PCDH15: variants seen among roughly 807,000 people sequenced by gnomAD.
PCDH15 encodes the protein protocadherin related 15, also known as protocadherin-15.
Under a neutral mutation model 178.5 loss-of-function variants are expected in PCDH15, and 129 were observed. The observed-to-expected ratio is 0.72, with a 90% CI of 0.63 to 0.84. PCDH15 has a LOEUF of 0.84. Among genes scored for constraint, PCDH15 ranks in the 40% least tolerant of loss-of-function variants. The pLI is 0.00. For missense variants in PCDH15, 2,230 were observed against 2,099.9 expected (o/e 1.06, Z -1.21); for synonymous variants, 800 against 732.0 (o/e 1.09, Z -1.50).
chr10:54,290,631 G>A (rs1485685176), intron 8 of PCDH15, among the ~76,000 whole-genome samples: 1 of 152,156 alleles, frequency 6.6e-6, no homozygotes, highest in Non-Finnish European at 1.5e-5. Context: ...ATCAATCAGT[G>A]TGCTGTATTC....
At chr10:55,024,988 G>C (rs1261151381) in intron 2 of PCDH15, among the ~76,000 whole-genome samples, 4 of 152,060 alleles carry the variant, frequency 2.6e-5, no homozygotes, top group Admixed American at 2.6e-4. Flanking sequence ...AGCAGAATCT[G>C]ATTATATGAC....
intron 1 of PCDH15, among the ~76,000 whole-genome samples, chr10:55,224,256 A>C (rs1450520242): frequency 1.3e-5 from 2 of 152,134 alleles, no homozygotes; most frequent in Admixed American, 1.3e-4. Flanking sequence ...GAATATGGTC[A>C]GAATCTATTT....
intron 2 of PCDH15, among the ~76,000 whole-genome samples, chr10:54,594,779 T>G (rs116110741): frequency 0.1 from 15,256 of 152,040 alleles, 917 homozygotes; most frequent in Middle Eastern, 0.15. Flanking sequence ...CCATCCCTTC[T>G]CCCCCTGTTG....
intron 18 of PCDH15, among the ~76,000 whole-genome samples, chr10:54,057,462 C>T (rs2093919049): frequency 6.6e-6 from 1 of 152,222 alleles, no homozygotes; most frequent in African/African-American, 2.4e-5. Flanking sequence ...GGCTTGTAAC[C>T]TCTGAAGCCC....
chr10:54,213,473 G>T (rs1332163791), intron 10 of PCDH15, among the ~76,000 whole-genome samples: 1 of 151,936 alleles, frequency 6.6e-6, no homozygotes, highest in African/African-American at 2.4e-5. Flanking sequence ...CTTTGGATAG[G>T]CAAGACCTCT....
intron 2 of PCDH15, among the ~76,000 whole-genome samples, chr10:54,616,609 A>C (rs955453946): frequency 6.6e-6 from 1 of 152,234 alleles, no homozygotes; most frequent in East Asian, 1.9e-4. Context: ...TTAAAAAATT[A>C]ACTCTAGTTA....
intron 5 of PCDH15, among the ~76,000 whole-genome samples, chr10:54,362,303 T>A (rs1565082658): frequency 6.6e-6 from 1 of 152,040 alleles, no homozygotes; most frequent in Admixed American, 6.6e-5. Flanking sequence ...ATGAAATTAG[T>A]TCCTAATGAG....
intron 2 of PCDH15, among the ~76,000 whole-genome samples, chr10:55,137,671 C>A (rs1031832062): frequency 4.6e-5 from 7 of 151,778 alleles, no homozygotes; most frequent in Non-Finnish European, 1.0e-4. Flanking sequence ...TGAATATTAA[C>A]AAATATTATA....
At chr10:55,180,919 C>T (rs939232129) in intron 1 of PCDH15, among the ~76,000 whole-genome samples, 2 of 151,722 alleles carry the variant, frequency 1.3e-5, no homozygotes, top group Non-Finnish European at 2.9e-5. Context: ...CTGTCATGTT[C>T]CTAGAGGGGG....
chr10:54,013,635 T>G (rs2092655948), intron 20 of PCDH15, among the ~76,000 whole-genome samples: 1 of 152,110 alleles, frequency 6.6e-6, no homozygotes, highest in African/African-American at 2.4e-5. Context: ...ACATGGAAAT[T>G]AACCACTTGT....
At chr10:54,436,142 AAAG>A (rs1384944626) in intron 3 of PCDH15, among the ~76,000 whole-genome samples, 16 of 144,322 alleles carry the variant, frequency 1.1e-4, no homozygotes, top group Admixed American at 9.4e-4. Context: ...AAAAAGAAAG[AAAG>A]AAAGGAAGGA....
intron 3 of PCDH15, among the ~76,000 whole-genome samples, chr10:54,837,488 A>G (rs1473568851): frequency 6.6e-6 from 1 of 152,202 alleles, no homozygotes; most frequent in Non-Finnish European, 1.5e-5. Context: ...AAACCTGGAA[A>G]TTATGATCAC....
chr10:54,574,356 G>C (rs1447633886), intron 2 of PCDH15, among the ~76,000 whole-genome samples: 1 of 150,314 alleles, frequency 6.7e-6, no homozygotes, highest in Non-Finnish European at 1.5e-5. Context: ...CGTTATTTCT[G>C]AGGGCTCTGT....
intron 3 of PCDH15, among the ~76,000 whole-genome samples, chr10:54,405,745 T>C (rs1235070192): frequency 4.0e-5 from 6 of 150,928 alleles, no homozygotes; most frequent in Non-Finnish European, 7.4e-5. Context: ...GTGGTACAAA[T>C]ATATTTATGT....
chr10:54,811,522 G>C (rs1005191482), intron 3 of PCDH15, among the ~76,000 whole-genome samples: 1 of 152,066 alleles, frequency 6.6e-6, no homozygotes, highest in African/African-American at 2.4e-5. Context: ...CCAGACTGGA[G>C]TACAGTGGCA....
chr10:54,761,383 A>C (rs909529181), intron 1 of PCDH15, among the ~76,000 whole-genome samples: 26 of 152,026 alleles, frequency 1.7e-4, no homozygotes, highest in African/African-American at 6.3e-4. Context: ...AAACCAATGG[A>C]TTAAGAACAG....
At chr10:53,938,729 T>A (rs1384836758) in intron 25 of PCDH15, 86 bp downstream of exon 25, 11 of 1,394,448 alleles carry the variant, frequency 7.9e-6, no homozygotes, top group African/African-American at 4.3e-5. Flanking sequence ...CCACTGAGAA[T>A]GATATTTTAG....
At chr10:55,459,845 C>T (rs1839634732) in intron 2 of PCDH15, among the ~76,000 whole-genome samples, 1 of 151,806 alleles carries the variant, frequency 6.6e-6, no homozygotes, top group South Asian at 2.1e-4. Flanking sequence ...ACTGAAGTGG[C>T]TATGTGAGTG....
intron 3 of PCDH15, among the ~76,000 whole-genome samples, chr10:54,808,921 A>G (rs916846476): frequency 6.6e-6 from 1 of 150,846 alleles, no homozygotes; most frequent in African/African-American, 2.5e-5. Flanking sequence ...AGCTCTAGAG[A>G]GAATTTAAGT....
Sources: gnomAD v4.1 joint callset for allele counts (sites outside exome capture counted in the v4.1 genomes callset) on GRCh38, gnomAD v4.1.1 for gene constraint, MANE v1.5 for transcripts, NCBI Gene and HGNC (gene_info 2026-07-23, HGNC 2026-07-21) for gene names.